The following TATDN1 variants were observed in gnomAD, a reference collection of about 807,000 sequenced individuals.
TATDN1 encodes TatD DNase domain containing 1, also known as deoxyribonuclease TATDN1.
A neutral mutation model predicts 46.4 loss-of-function variants in TATDN1; 40 were observed. The ratio of observed to expected loss-of-function variants is 0.86; its 90% CI spans 0.67 to 1.12. The LOEUF (loss-of-function observed/expected upper bound fraction) is 1.12. TATDN1 is among the 50% of genes most tolerant of loss of function. The pLI is 0.00. For synonymous variants in TATDN1, 95 were observed against 105.6 expected, an observed-to-expected ratio of 0.90 and a Z score of 0.62; for missense variants, 326 against 348.4, an observed-to-expected ratio of 0.94 and a Z score of 0.51.
At chr8:124,507,972 A>G (rs1818654786) in intron 8 of TATDN1, among the ~76,000 whole-genome samples, 1 of 152,168 alleles carries the variant, frequency 6.6e-6, no homozygotes, top group Non-Finnish European at 1.5e-5. Context: ...AAAGGATGGG[A>G]AAAGAAGCTC....
chr8:124,530,090 C>A (rs1820832878), intron 1 of TATDN1, among the ~76,000 whole-genome samples: 1 of 149,428 alleles, frequency 6.7e-6, no homozygotes. Flanking sequence ...GACTCAGTCT[C>A]AAAAAAAAAC....
chr8:124,529,518 C>T (rs554718702), intron 1 of TATDN1, among the ~76,000 whole-genome samples: 1 of 152,100 alleles, frequency 6.6e-6, no homozygotes, highest in Non-Finnish European at 1.5e-5. Flanking sequence ...AACAGTGTGC[C>T]CAAAGCTGTG....
chr8:124,499,982 C>T (rs1390907106), intron 9 of TATDN1, among the ~76,000 whole-genome samples: 12 of 151,866 alleles, frequency 7.9e-5, no homozygotes, highest in African/African-American at 2.7e-4. Flanking sequence ...GTAGCTGGGA[C>T]TACAGGTGCC....
At chr8:124,510,292 T>C (rs1474841380) in intron 6 of TATDN1, among the ~76,000 whole-genome samples, 1 of 152,138 alleles carries the variant, frequency 6.6e-6, no homozygotes, top group Non-Finnish European at 1.5e-5. Context: ...GTAAACCAAA[T>C]GTCAGCAGTT....
intron 1 of TATDN1, chr8:124,526,760 A>T (rs1196399889): frequency 6.6e-6 from 1 of 152,162 alleles, no homozygotes; most frequent in African/African-American, 2.4e-5. Flanking sequence ...GAAAACCACA[A>T]CTCTTAAGTT....
Position 124,539,017 on chromosome 8 carries a change from C to G in TATDN1, c.22+8G>C. On this transcript the variant is annotated splice_region_variant and intron_variant, in intron 1 of 11. Coordinates refer to ENST00000276692, the MANE Select transcript of TATDN1 (RefSeq NM_032026.4). ...AAGACCCAAGGGCGTGGAAAACGCT[C>G]CTCTTACCGATAAACTTGAAGCGAC... The G allele has an allele frequency of 6.2e-7, 1 of 1,614,164 alleles. No individual in the cohort carries two copies. Among genetic ancestry groups the G allele is most frequent in the Non-Finnish European group, 8.5e-7 (1 of 1,180,014 alleles).
At chr8:124,531,070 T>C (rs1820910790) in intron 1 of TATDN1, among the ~76,000 whole-genome samples, 1 of 152,100 alleles carries the variant, frequency 6.6e-6, no homozygotes. Flanking sequence ...TTCCACTACT[T>C]GTCATCACCA....
chr8:124,521,098 T>A (rs1030231024), intron 3 of TATDN1, among the ~76,000 whole-genome samples: 16 of 152,172 alleles, frequency 1.1e-4, no homozygotes, highest in African/African-American at 3.9e-4. Flanking sequence ...ATTAATTAAG[T>A]ACTATTATCA....
At chr8:124,524,868 C>T (rs1820351017) in intron 1 of TATDN1, among the ~76,000 whole-genome samples, 1 of 152,008 alleles carries the variant, frequency 6.6e-6, no homozygotes, top group Non-Finnish European at 1.5e-5. Context: ...TGAAGGCAGG[C>T]CAGAGTGTCA....
intron 11 of TATDN1, chr8:124,489,297 C>T (rs1206210510): frequency 6.6e-6 from 1 of 152,216 alleles, no homozygotes; most frequent in Non-Finnish European, 1.5e-5. Context: ...TACCTCTACC[C>T]TTGCGAGAGA....
At chr8:124,491,870 G>A (rs2131333743) in intron 11 of TATDN1, among the ~76,000 whole-genome samples, 1 of 152,112 alleles carries the variant, frequency 6.6e-6, no homozygotes, top group East Asian at 1.9e-4. Context: ...TTAGAGGATT[G>A]TGTATTTTTT....
intron 4 of TATDN1, among the ~76,000 whole-genome samples, chr8:124,516,985 G>T (rs1819528265): frequency 6.6e-6 from 1 of 152,234 alleles, no homozygotes; most frequent in Non-Finnish European, 1.5e-5. Context: ...TGTAAGAACA[G>T]AAGTTACATG....
intron 6 of TATDN1, among the ~76,000 whole-genome samples, chr8:124,515,068 A>G (rs1819345202): frequency 6.6e-6 from 1 of 152,126 alleles, no homozygotes; most frequent in South Asian, 2.1e-4. Context: ...GCGACTACAG[A>G]CGCAGGCTGC....
At chr8:124,499,309 T>G (rs1817741863) in intron 9 of TATDN1, among the ~76,000 whole-genome samples, 1 of 152,174 alleles carries the variant, frequency 6.6e-6, no homozygotes, top group Admixed American at 6.6e-5. Flanking sequence ...GTGCTTGGTA[T>G]GGATAGTATA....
chr8:124,498,170 A>G (rs1817647254), intron 9 of TATDN1, among the ~76,000 whole-genome samples: 1 of 151,926 alleles, frequency 6.6e-6, no homozygotes, highest in Non-Finnish European at 1.5e-5. Flanking sequence ...GGAGGTTGCT[A>G]GTGTTGCGTT....
At chr8:124,490,698 T>C (rs1025030628) in intron 11 of TATDN1, among the ~76,000 whole-genome samples, 1 of 151,938 alleles carries the variant, frequency 6.6e-6, no homozygotes, top group South Asian at 2.1e-4. Flanking sequence ...TTAATGTCCC[T>C]GAGAATTTAG....
At chr8:124,518,488 C>T (rs1819721657) in intron 4 of TATDN1, among the ~76,000 whole-genome samples, 1 of 146,864 alleles carries the variant, frequency 6.8e-6, no homozygotes, top group African/African-American at 2.6e-5. Context: ...CGCACCACTG[C>T]ACTTCAGCCT....
chr8:124,534,361 C>G (rs1368305900), intron 1 of TATDN1, among the ~76,000 whole-genome samples: 1 of 152,120 alleles, frequency 6.6e-6, no homozygotes, highest in Non-Finnish European at 1.5e-5. Context: ...TTTACTGGAA[C>G]ATAGCCACAC....
rs1486757846 is a variant in TATDN1, at chr8:124,508,688, T to G, written c.390A>C (p.Lys130Asn). 7 of 1,532,290 alleles carry G rather than the reference T, an allele frequency of 4.6e-6. No homozygotes were observed. Among genetic ancestry groups the G allele is most frequent in the African/African-American group, 1.4e-5 (1 of 71,786 alleles). The allele number at this position is 1,532,290 out of a possible 1,614,324, so 94.9% of individuals were successfully genotyped here. Residue 130 changes from lysine (K) to asparagine (N), a missense_variant and splice_region_variant, in exon 7 of 12, where the codon AAA (lysine) becomes AAC (asparagine). Lys to Asn is a moderately conservative substitution (Grantham distance 94). Coordinates refer to ENST00000276692, the MANE Select transcript of TATDN1 (RefSeq NM_032026.4). ...LQFCPKDTQL[K>N]YFEKQFELSE... ...ACAGTTCAAACTGTTTTTCAAAATATCTGCATAATGCAAAAAAAAAAAATT... is the reference window on the plus strand; with the variant it reads ...ACAGTTCAAACTGTTTTTCAAAATAGCTGCATAATGCAAAAAAAAAAAATT...
Sources: gnomAD v4.1 joint callset for allele counts (sites outside exome capture counted in the v4.1 genomes callset) on GRCh38, gnomAD v4.1.1 for gene constraint, MANE v1.5 for transcripts, NCBI Gene and HGNC (gene_info 2026-07-23, HGNC 2026-07-21) for gene names.